RPL11: variants seen among roughly 807,000 people sequenced by gnomAD.
RPL11 encodes the protein large ribosomal subunit protein uL5.
In RPL11, 3 loss-of-function variants were observed where a neutral mutation model predicts 24.1. The ratio of observed to expected loss-of-function variants is 0.12; its 90% CI spans 0.06 to 0.32. The LOEUF is 0.32. Ranked by LOEUF, RPL11 falls within the 10% of genes least tolerant of loss-of-function variation. The probability of loss-of-function intolerance (pLI) is 1.00; values close to 1 mark genes in which losing one functional copy is unlikely to be tolerated. For missense variants in RPL11, 146 were observed against 225.7 expected (o/e 0.65, Z 2.26); for synonymous variants, 96 against 75.7 (o/e 1.27, Z -1.39).
intron 1 of RPL11, chr1:23,692,115 G>T (rs111677926): frequency 1.9e-5 from 11 of 566,052 alleles, no homozygotes; most frequent in African/African-American, 1.7e-4. Context: ...TGAGGCAGGG[G>T]GGTCCGGGCC....
At chr1:23,692,898 G>GTA in intron 2 of RPL11, 139 bp downstream of exon 2, 1 of 871,726 alleles carries the variant, frequency 1.1e-6, no homozygotes, top group Non-Finnish European at 1.7e-6. Context: ...GCCAAGAGGT[G>GTA]TCTTTTTTTT....
At position 23,694,352 on chromosome 1, in the gene RPL11, T is replaced by C. The variant is rs931736657; in HGVS notation, c.265-308T>C. 3.3e-5 allele frequency among the ~76,000 whole-genome samples: 5 copies of C among 151,840 alleles called. 1 individual carries two copies. In the South Asian group the frequency reaches 1.0e-3, roughly 32 times the overall value. On this transcript the variant is annotated intron_variant, in intron 3 of 5. Transcript: ENST00000643754. The stretch of plus-strand genomic sequence containing the variant: ...GATATTGTGCCACTGCACTCCAGCT[T>C]AGGCCACAGAGTGAGACTCTTGTCT...
chr1:23,692,612 G>A lies in RPL11; in HGVS notation c.10G>A (p.Asp4Asn). Residue 4 changes from aspartate (D) to asparagine (N), a missense_variant, in exon 2 of 6, where the codon GAT becomes AAT. Transcript: ENST00000643754. MAQ[D>N]QGEKENPMRE... ...CTGCTGCTCTTCCCTGTTGCAGCAG[G>A]ATCAAGGTGAAAAGGAGAACCCCAT... 6.2e-7 allele frequency: 1 copy of A among 1,614,140 alleles called. No individual in the cohort carries two copies. The highest frequency in any genetic ancestry group is 8.5e-7 in the Non-Finnish European group (1 of 1,180,040).
At chr1:23,691,950 C>A in intron 1 of RPL11, 121 bp downstream of exon 1, 2 of 1,295,714 alleles carry the variant, frequency 1.5e-6, no homozygotes, top group Non-Finnish European at 2.2e-6. Context: ...CCTGCTGGCC[C>A]AAAACTAGCA....
At chr1:23,696,185 A>G (rs1347306746) in intron 5 of RPL11, among the ~76,000 whole-genome samples, 159 bp from the exon 6 acceptor site, 1 of 152,174 alleles carries the variant, frequency 6.6e-6, no homozygotes, top group African/African-American at 2.4e-5. Context: ...AGTTCAGCAC[A>G]GTGTAAAAAC....
At chr1:23,693,356 G>A (rs184811315) in intron 2 of RPL11, among the ~76,000 whole-genome samples, 3 of 152,310 alleles carry the variant, frequency 2.0e-5, no homozygotes, top group Non-Finnish European at 4.4e-5. Flanking sequence ...GCAAGTCTTT[G>A]GATTCCACTC....
At chr1:23,693,375 T>C (rs758443812) in intron 2 of RPL11, among the ~76,000 whole-genome samples, 9 of 152,256 alleles carry the variant, frequency 5.9e-5, no homozygotes, top group Admixed American at 2.6e-4. Flanking sequence ...TCCTGCTTTT[T>C]GTTACCAGCT....
chr1:23,694,985 G>A (rs1644524852), intron 4 of RPL11, 194 bp downstream of exon 4: 2 of 785,004 alleles, frequency 2.5e-6, no homozygotes, highest in Admixed American at 2.2e-5. Flanking sequence ...AGGTGGACAA[G>A]ATCCCTGCTG....
intron 1 of RPL11, 99 bp downstream of exon 1, chr1:23,691,928 G>A (rs1475025164): frequency 1.3e-6 from 2 of 1,530,910 alleles, no homozygotes; most frequent in Non-Finnish European, 1.8e-6. Flanking sequence ...GAGGAATATG[G>A]AGCCCGCAAT....
intron 4 of RPL11, 107 bp from the exon 5 acceptor site, chr1:23,695,691 T>C (rs556358713): frequency 6.6e-5 from 68 of 1,034,542 alleles, no homozygotes; most frequent in African/African-American, 2.4e-4. Context: ...CCAGAATCCA[T>C]TGGGCTGCCA....
intron 4 of RPL11, 66 bp downstream of exon 4, chr1:23,694,857 G>A (rs1041414033): frequency 8.5e-5 from 136 of 1,608,198 alleles, no homozygotes; most frequent in Non-Finnish European, 1.1e-4. Context: ...TTTCATATGT[G>A]GTATGTTGGT....
Position 23,693,905 on chromosome 1 carries a change from G to A in RPL11, c.256G>A (p.Gly86Ser). The A allele has an allele frequency of 6.2e-7, 1 of 1,613,636 alleles. No individual in the cohort carries two copies. The highest frequency in any genetic ancestry group is 8.5e-7 in the Non-Finnish European group (1 of 1,179,580). Reference protein sequence around the residue: ...GAKAEEILEKGLKVREYELRK... With the variant: ...GAKAEEILEKSLKVREYELRK... ...CAAGGCAGAAGAAATCTTGGAGAAG[G>A]GTCTAAAGGTGAGCCTAATCCCCTA... Residue 86 changes from glycine to serine, a missense_variant, in exon 3 of 6, where the codon GGT becomes AGT. Transcript: ENST00000643754.
At chr1:23,693,753 TG>T (rs1319555583) in intron 2 of RPL11, 53 bp from the exon 3 acceptor site, 1 of 1,159,704 alleles carries the variant, frequency 8.6e-7, no homozygotes, top group East Asian at 2.3e-5. Flanking sequence ...GGGAAAGAGG[TG>T]AGTGTAGTGG....
chr1:23,693,155 G>A (rs1159816186), intron 2 of RPL11, among the ~76,000 whole-genome samples: 1 of 152,210 alleles, frequency 6.6e-6, no homozygotes, highest in Non-Finnish European at 1.5e-5. Context: ...CTGCACTCCA[G>A]CCTGGTTGAC....
chr1:23,692,027 C>T (rs1445918617), intron 1 of RPL11, 198 bp downstream of exon 1: 6 of 730,558 alleles, frequency 8.2e-6, no homozygotes, highest in East Asian at 2.6e-5. Flanking sequence ...TTAGGAGCGG[C>T]TCCGGGCACT....
Position 23,693,844 on chromosome 1 carries a change from T to C in RPL11, c.195T>C (p.Asn65=), listed in dbSNP as rs1291058156. 1 of 1,613,922 alleles carries C rather than the reference T, an allele frequency of 6.2e-7. No homozygotes were observed. The highest frequency in any genetic ancestry group is 1.3e-5 in the African/African-American group (1 of 74,896). ...YTVRSFGIRR[N]EKIAVHCTVR... is the part of the protein sequence containing the mutation. Reference sequence around the variant, plus strand: ...TCAGATCCTTTGGCATCCGGAGAAATGAAAAGATTGCTGTCCACTGCACAG... The same window carrying C: ...TCAGATCCTTTGGCATCCGGAGAAACGAAAAGATTGCTGTCCACTGCACAG... The change falls in exon 3 of 6, where the codon AAT becomes AAC. Residue 65 remains asparagine, a synonymous_variant. Transcript: ENST00000643754.
rs758722817 is a variant in RPL11, at chr1:23,691,838, C to T, written c.6+9C>T. On this transcript the variant is annotated intron_variant, in intron 1 of 5. Transcript: ENST00000643754. Reference sequence around the variant, plus strand: ...TGCTCTCCATCATGGCGGTGAGTAGCTGGGACCTGGATTTGCTTTCCTTTA... The same window carrying T: ...TGCTCTCCATCATGGCGGTGAGTAGTTGGGACCTGGATTTGCTTTCCTTTA... The T allele has an allele frequency of 9.1e-5, 147 of 1,614,138 alleles. No individual in the cohort carries two copies. Among genetic ancestry groups the T allele is most frequent in the Non-Finnish European group, 4.7e-5 (55 of 1,180,054 alleles).
intron 4 of RPL11, chr1:23,695,039 T>A: frequency 1.8e-6 from 1 of 545,024 alleles, no homozygotes; most frequent in Non-Finnish European, 3.3e-6. Flanking sequence ...CCCACATGGC[T>A]TAAAGGTGGA....
At position 23,692,789 on chromosome 1, in the gene RPL11, G is replaced by C. The variant is rs190321685; in HGVS notation, c.157+30G>C. ...GTAGTCACAAGGACATACAGGGTTT[G>C]CCTGCTTGGGTCGCTTGGTTGTTTC... is the stretch of plus-strand genomic sequence containing the variant. On this transcript the variant is annotated intron_variant, in intron 2 of 5. Coordinates refer to ENST00000643754, the MANE Select transcript of RPL11 (RefSeq NM_000975.5). 1.0e-3 allele frequency: 1,665 copies of C among 1,612,042 alleles called. 10 individuals carry two copies. The African/African-American group carries it at 0.013, about 12-fold the overall frequency.
Sources: gnomAD v4.1 joint callset for allele counts (sites outside exome capture counted in the v4.1 genomes callset) on GRCh38, gnomAD v4.1.1 for gene constraint, MANE v1.5 for transcripts, NCBI Gene and HGNC (gene_info 2026-07-23, HGNC 2026-07-21) for gene names.